NLGN1: variants seen among roughly 807,000 people sequenced by gnomAD.
NLGN1 encodes neuroligin 1, also known as neuroligin-1.
Under a neutral mutation model 65.5 loss-of-function variants are expected in NLGN1, and 12 were observed. The ratio of observed to expected loss-of-function variants is 0.18; its 90% CI spans 0.12 to 0.30. The LOEUF is 0.30. Ranked by LOEUF, NLGN1 falls within the 10% of genes least tolerant of loss-of-function variation. NLGN1 has a pLI of 1.00. For missense variants in NLGN1, 750 were observed against 1,007.1 expected, an observed-to-expected ratio of 0.74 and a Z score of 3.46; for synonymous variants, 350 against 359.5, an observed-to-expected ratio of 0.97 and a Z score of 0.30.
intron 3 of NLGN1, among the ~76,000 whole-genome samples, chr3:173,727,591 T>A (rs1489594543): frequency 2.0e-5 from 3 of 152,092 alleles, no homozygotes; most frequent in African/African-American, 7.2e-5. Context: ...TGGAATTCAC[T>A]CTAGCAAAAG....
chr3:173,815,167 G>C (rs1718780711), intron 4 of NLGN1, among the ~76,000 whole-genome samples: 1 of 148,286 alleles, frequency 6.7e-6, no homozygotes, highest in South Asian at 2.1e-4. Context: ...TGTCACCCAG[G>C]CTGGAGTGCA....
intron 4 of NLGN1, among the ~76,000 whole-genome samples, chr3:174,015,459 T>C (rs1726363404): frequency 6.6e-6 from 1 of 152,136 alleles, no homozygotes; most frequent in African/African-American, 2.4e-5. Context: ...GTGTCTCTTC[T>C]ATATGGACAC....
chr3:173,515,082 GT>G (rs1032783194), intron 2 of NLGN1, among the ~76,000 whole-genome samples: 1 of 152,152 alleles, frequency 6.6e-6, no homozygotes, highest in African/African-American at 2.4e-5. Context: ...CCTTCAAACA[GT>G]TTTCCACAGT....
At position 174,098,884 on chromosome 3, in the gene NLGN1, A is replaced by G. The variant is rs201471479; in HGVS notation, c.647-176431A>G. 4.6e-5 allele frequency among the ~76,000 whole-genome samples: 7 copies of G among 152,228 alleles called. No homozygotes were observed. In the East Asian group the frequency reaches 7.7e-4, roughly 17 times the overall value. On this transcript the variant is annotated intron_variant, in intron 4 of 6. Coordinates refer to ENST00000457714, the Ensembl canonical transcript of NLGN1. ...AAAGTGAGTAATGCCTTAAAAATGC[A>G]TAAGCCATTAGAAGATTTATTACAT...
rs547224264 is a variant in NLGN1, at chr3:173,779,223, A to G, written c.494-28457A>G. Among the ~76,000 whole-genome samples, 35 of 152,092 alleles carry G rather than the reference A, an allele frequency of 2.3e-4. No individual in the cohort carries two copies. In the South Asian group the frequency reaches 7.0e-3, roughly 31 times the overall value. The stretch of plus-strand genomic sequence containing the variant: ...CAAAATTTTATTTTAACACTTTCAA[A>G]TAATATTTCTAGGAAATAATATTTG... On this transcript the variant is annotated intron_variant, in intron 3 of 6. Transcript: ENST00000457714.
At position 173,855,410 on chromosome 3, in the gene NLGN1, A is replaced by G. The variant is rs185632034; in HGVS notation, c.646+47578A>G. 2.8e-3 allele frequency among the ~76,000 whole-genome samples: 430 copies of G among 152,244 alleles called. 1 individual carries two copies. The highest frequency in any genetic ancestry group is 4.7e-3 in the Non-Finnish European group (321 of 67,976). ...TATAAATATCTATTTTGGTCAATTA[A>G]CTAGAAATCAACTAATAACAAAATG... On this transcript the variant is annotated intron_variant, in intron 4 of 6. Coordinates refer to ENST00000457714, the Ensembl canonical transcript of NLGN1.
At chr3:173,959,324 C>T (rs2152344075) in intron 4 of NLGN1, among the ~76,000 whole-genome samples, 1 of 152,302 alleles carries the variant, frequency 6.6e-6, no homozygotes, top group African/African-American at 2.4e-5. Flanking sequence ...GCTGCTGCTG[C>T]TATCAGTAGT....
intron 3 of NLGN1, among the ~76,000 whole-genome samples, chr3:173,764,334 G>A (rs917905883): frequency 9.2e-5 from 14 of 152,250 alleles, no homozygotes; most frequent in South Asian, 4.1e-4. Context: ...ATCTACCTTA[G>A]GTTTCACCAT....
intron 3 of NLGN1, among the ~76,000 whole-genome samples, chr3:173,656,093 A>G (rs1418689445): frequency 1.3e-5 from 2 of 152,166 alleles, no homozygotes; most frequent in Non-Finnish European, 2.9e-5. Flanking sequence ...AAGGAAAGTT[A>G]CAAAGTCATT....
chr3:173,446,229 C>A (rs181637229), intron 2 of NLGN1, among the ~76,000 whole-genome samples: 1 of 43,426 alleles, frequency 2.3e-5, no homozygotes, highest in Non-Finnish European at 5.3e-5. Context: ...CCCCACCCCA[C>A]AACAGTCCCG....
At chr3:173,629,301 A>G (rs1316649331) in intron 3 of NLGN1, among the ~76,000 whole-genome samples, 1 of 151,910 alleles carries the variant, frequency 6.6e-6, no homozygotes, top group Non-Finnish European at 1.5e-5. Flanking sequence ...TATTTAGTAG[A>G]GTGGGGGCCT....
intron 4 of NLGN1, among the ~76,000 whole-genome samples, chr3:173,993,458 A>G (rs1721560886): frequency 6.6e-6 from 1 of 152,200 alleles, no homozygotes; most frequent in African/African-American, 2.4e-5. Flanking sequence ...ACAAATTATC[A>G]TGGCATGAAG....
intron 4 of NLGN1, among the ~76,000 whole-genome samples, chr3:174,032,449 AG>A (rs1223771635): frequency 2.0e-5 from 3 of 152,190 alleles, no homozygotes; most frequent in African/African-American, 4.8e-5. Flanking sequence ...TTGGTGTACA[AG>A]CTTGTTGTAC....
chr3:173,432,706 AT>A (rs552449342), intron 1 of NLGN1, among the ~76,000 whole-genome samples: 98 of 151,460 alleles, frequency 6.5e-4, no homozygotes, highest in East Asian at 9.7e-4. Flanking sequence ...TGTCTTTTGC[AT>A]TTTTTTTATT....
At chr3:173,754,586 G>A (rs1054765978) in intron 3 of NLGN1, among the ~76,000 whole-genome samples, 5 of 152,084 alleles carry the variant, frequency 3.3e-5, no homozygotes, top group Admixed American at 2.0e-4. Context: ...TATCCCCTGG[G>A]CTTAGAATAG....
chr3:173,833,166 G>A (rs1476533430), intron 4 of NLGN1, among the ~76,000 whole-genome samples: 1 of 152,120 alleles, frequency 6.6e-6, no homozygotes, highest in Non-Finnish European at 1.5e-5. Flanking sequence ...CATAGAGATT[G>A]GCAAAGTGCA....
intron 3 of NLGN1, among the ~76,000 whole-genome samples, chr3:173,727,166 C>T (rs1036420837): frequency 2.6e-5 from 4 of 152,078 alleles, no homozygotes; most frequent in Admixed American, 6.6e-5. Flanking sequence ...GAAAAAGCAA[C>T]AGTGAAACAT....
chr3:173,612,918 G>A (rs954608975), intron 3 of NLGN1, among the ~76,000 whole-genome samples: 1 of 152,036 alleles, frequency 6.6e-6, no homozygotes, highest in Non-Finnish European at 1.5e-5. Flanking sequence ...TCTTCACATG[G>A]CCTTCTGCCT....
chr3:173,550,060 CTGT>C (rs1369830611), intron 2 of NLGN1, among the ~76,000 whole-genome samples: 2 of 151,966 alleles, frequency 1.3e-5, no homozygotes, highest in African/African-American at 2.4e-5. Context: ...GTCATGAATC[CTGT>C]TGTTGGTTCA....
Sources: allele counts gnomAD v4.1 joint callset (sites outside exome capture counted in the v4.1 genomes callset), GRCh38; gene constraint gnomAD v4.1.1; transcripts MANE v1.5; gene names NCBI Gene and HGNC (gene_info 2026-07-23, HGNC 2026-07-21).